Variants in DNAL1 observed in about 807,000 individuals in gnomAD.
DNAL1 encodes dynein axonemal light chain 1.
A neutral mutation model predicts 29.4 loss-of-function variants in DNAL1; 17 were observed. The ratio of observed to expected loss-of-function variants is 0.58; its 90% CI spans 0.40 to 0.87. The LOEUF is 0.87. DNAL1 is among the 40% of genes least tolerant of loss of function. The pLI, the probability that DNAL1 is intolerant of heterozygous loss-of-function variation, is 0.00. For missense variants in DNAL1, 188 were observed against 214.1 expected, an observed-to-expected ratio of 0.88 and a Z score of 0.76; for synonymous variants, 78 against 76.3, an observed-to-expected ratio of 1.02 and a Z score of -0.12.
At position 73,653,527 on chromosome 14, in the gene DNAL1, T is replaced by A. The variant is rs187620242; in HGVS notation, c.4-1320T>A. Reference sequence around the variant, plus strand: ...CCACCATGCCAGGCTAATTTTTTTTTAATTTTGTTTTGTAGAGATGGAGTC... The same window carrying A: ...CCACCATGCCAGGCTAATTTTTTTTAAATTTTGTTTTGTAGAGATGGAGTC... On this transcript the variant is annotated intron_variant, in intron 1 of 7. Coordinates refer to ENST00000553645, the MANE Select transcript of DNAL1 (RefSeq NM_031427.4). Among the ~76,000 whole-genome samples the A allele has an allele frequency of 3.0e-3, 461 of 152,122 alleles. 1 individual carries two copies. Among genetic ancestry groups the A allele is most frequent in the African/African-American group, 5.4e-3 (226 of 41,506 alleles).
intron 1 of DNAL1, among the ~76,000 whole-genome samples, chr14:73,653,455 G>A (rs1447774055): frequency 1.3e-5 from 2 of 151,978 alleles, no homozygotes; most frequent in South Asian, 2.1e-4. Context: ...GGGTCCAATC[G>A]ATCATCCCAC....
intron 5 of DNAL1, among the ~76,000 whole-genome samples, chr14:73,676,312 A>AT (rs1159866189): frequency 6.6e-6 from 1 of 152,142 alleles, no homozygotes. Flanking sequence ...ATTTATAAAT[A>AT]TGTGAAATAT....
At chr14:73,654,003 A>G (rs1341065351) in intron 1 of DNAL1, among the ~76,000 whole-genome samples, 1 of 152,206 alleles carries the variant, frequency 6.6e-6, no homozygotes, top group Non-Finnish European at 1.5e-5. Flanking sequence ...GTTCTTTTAA[A>G]TGTATGTAGA....
rs536763627 is a variant in DNAL1, at chr14:73,683,443, T to C, written c.265-3816T>C. On this transcript the variant is annotated intron_variant, in intron 5 of 7. Coordinates refer to ENST00000553645, the MANE Select transcript of DNAL1 (RefSeq NM_031427.4). Reference sequence around the variant, plus strand: ...ATTTTTCAGCCCTATTATAATCTTATGGGACCACCATTGTATATAGAGTCA... The same window carrying C: ...ATTTTTCAGCCCTATTATAATCTTACGGGACCACCATTGTATATAGAGTCA... Among the ~76,000 whole-genome samples, 84 of 152,262 alleles carry C rather than the reference T, an allele frequency of 5.5e-4. 1 individual carries two copies. The highest frequency in any genetic ancestry group is 9.3e-4 in the Non-Finnish European group (63 of 68,024).
intron 5 of DNAL1, among the ~76,000 whole-genome samples, chr14:73,679,684 C>T (rs1430485061): frequency 6.6e-6 from 1 of 152,002 alleles, no homozygotes; most frequent in Non-Finnish European, 1.5e-5. Flanking sequence ...TTACCTTATT[C>T]GTGGTTACCA....
chr14:73,678,668 T>C (rs1406708687), intron 5 of DNAL1, among the ~76,000 whole-genome samples: 1 of 152,196 alleles, frequency 6.6e-6, no homozygotes, highest in Non-Finnish European at 1.5e-5. Context: ...CCACCTATTC[T>C]ATATTTAGGA....
intron 2 of DNAL1, 24 bp downstream of exon 2, chr14:73,654,909 T>C (rs1043802103): frequency 6.5e-7 from 1 of 1,543,548 alleles, no homozygotes. Context: ...TTTTTCCTTC[T>C]TTTAGAAACT....
rs1200662570 is a variant in DNAL1 at position 73,702,053 on chromosome 14, A to G, written c.*6111A>G. On this transcript the variant is annotated 3_prime_UTR_variant, in exon 8 of 8. Coordinates refer to ENST00000553645, the MANE Select transcript of DNAL1 (RefSeq NM_031427.4). ...CAGTCCAAAGAAATTCAGCCTTTGG[A>G]TAACATGTACCATGCAGTTTGTGTG... 6.6e-6 allele frequency: 1 copy of G among 151,846 alleles called. No individual in the cohort carries two copies. Among genetic ancestry groups the G allele is most frequent in the Non-Finnish European group, 1.5e-5 (1 of 67,998 alleles). 9.4% of individuals were successfully genotyped at this position (151,846 alleles called of 1,614,324 possible).
intron 3 of DNAL1, among the ~76,000 whole-genome samples, chr14:73,660,731 C>T (rs1280986148): frequency 6.6e-6 from 1 of 152,172 alleles, no homozygotes; most frequent in East Asian, 1.9e-4. Flanking sequence ...CCACCACATG[C>T]TTTTTTGGCA....
chr14:73,687,192 T>C, intron 5 of DNAL1, 67 bp from the exon 6 acceptor site: 1 of 1,588,230 alleles, frequency 6.3e-7, no homozygotes. Flanking sequence ...TATGTATATC[T>C]TTATAAAGAA....
chr14:73,650,625 CCTTT>C (rs1431217099), intron 1 of DNAL1, among the ~76,000 whole-genome samples: 1 of 151,812 alleles, frequency 6.6e-6, no homozygotes, highest in Admixed American at 6.6e-5. Flanking sequence ...AAGGAATTTC[CCTTT>C]CTTTTTATTT....
rs529742824 is a variant in DNAL1, at chr14:73,670,745, A to T, written c.209-797A>T. Among the ~76,000 whole-genome samples, 81 of 149,854 alleles carry T rather than the reference A, an allele frequency of 5.4e-4. 1 individual carries two copies. The South Asian group carries it at 8.6e-3, about 16-fold the overall frequency. ...TTATTTTTTATTTATTTTTATTATT[A>T]TTTTTTTTTGAGATGGATTCTCGCT... On this transcript the variant is annotated intron_variant, in intron 4 of 7. Coordinates refer to ENST00000553645, the MANE Select transcript of DNAL1 (RefSeq NM_031427.4).
At chr14:73,666,303 A>C (rs1420404772) in intron 4 of DNAL1, among the ~76,000 whole-genome samples, 15 of 152,222 alleles carry the variant, frequency 9.9e-5, no homozygotes, top group Admixed American at 9.8e-4. Flanking sequence ...AATTGTGACT[A>C]GAAAATTGCT....
At chr14:73,682,337 ATTTTTTT>A (rs57403758) in intron 5 of DNAL1, among the ~76,000 whole-genome samples, 30 of 93,402 alleles carry the variant, frequency 3.2e-4, no homozygotes, top group South Asian at 2.7e-3. Flanking sequence ...TGCCTGGCTA[ATTTTTTT>A]TTTTTTTTTT....
intron 3 of DNAL1, among the ~76,000 whole-genome samples, chr14:73,660,448 C>T (rs1891317073): frequency 6.6e-6 from 1 of 152,076 alleles, no homozygotes; most frequent in South Asian, 2.1e-4. Flanking sequence ...GATTTCTTCA[C>T]CCTGTGTTTG....
chr14:73,677,487 C>T (rs7158660), intron 5 of DNAL1, among the ~76,000 whole-genome samples: 3,738 of 151,186 alleles, frequency 0.025, 124 homozygotes, highest in African/African-American at 0.083. Flanking sequence ...TTTTAATTTC[C>T]ATTATCTAGT....
At chr14:73,658,981 G>C (rs748272991) in intron 3 of DNAL1, 25 bp downstream of exon 3, 2 of 1,386,332 alleles carry the variant, frequency 1.4e-6, no homozygotes. Flanking sequence ...CATCCTTCCA[G>C]TATTGCTGTT....
At chr14:73,654,208 G>T (rs1891162449) in intron 1 of DNAL1, among the ~76,000 whole-genome samples, 1 of 152,192 alleles carries the variant, frequency 6.6e-6, no homozygotes, top group South Asian at 2.1e-4. Flanking sequence ...TAGATCCTTA[G>T]AATCAATGAA....
intron 3 of DNAL1, among the ~76,000 whole-genome samples, chr14:73,661,162 TA>T (rs201248546): frequency 6.6e-6 from 1 of 150,436 alleles, no homozygotes; most frequent in Non-Finnish European, 1.5e-5. Context: ...AGACTCTGTC[TA>T]AAAAAAAAAT....
Sources: gnomAD v4.1 joint callset for allele counts (sites outside exome capture counted in the v4.1 genomes callset) on GRCh38, gnomAD v4.1.1 for gene constraint, MANE v1.5 for transcripts, NCBI Gene and HGNC (gene_info 2026-07-23, HGNC 2026-07-21) for gene names.